Variants in NME1 observed in about 807,000 individuals in gnomAD.
NME1 encodes the protein NME/NM23 nucleoside diphosphate kinase 1.
Under a neutral mutation model 17.2 loss-of-function variants are expected in NME1, and 9 were observed. That is an observed-to-expected ratio of 0.52 (90% confidence interval 0.32 to 0.92). The LOEUF (loss-of-function observed/expected upper bound fraction) is 0.92, where lower values mean the gene tolerates loss of function less well. Among genes scored for constraint, NME1 ranks in the 40% least tolerant of loss-of-function variants. The pLI, the probability that NME1 is intolerant of heterozygous loss-of-function variation, is 0.04. For synonymous variants in NME1, 72 were observed against 70.8 expected (o/e 1.02, Z -0.09); for missense variants, 169 against 201.7 (o/e 0.84, Z 0.98).
chr17:51,159,860 C>T, intron 2 of NME1, 120 bp from the exon 3 acceptor site: 2 of 1,148,624 alleles, frequency 1.7e-6, no homozygotes, highest in Admixed American at 1.8e-5. Context: ...TGGGTTATAA[C>T]AGAATCAGTG....
At position 51,161,778 on chromosome 17, in the gene NME1, G is replaced by A; in HGVS notation, c.392G>A (p.Gly131Asp). The change falls in exon 5 of 5, where the codon GGC (glycine) becomes GAC (aspartate). Residue 131 changes from glycine to aspartate, a missense_variant. Coordinates refer to ENST00000393196, the MANE Select transcript of NME1 (RefSeq NM_000269.3). ...DSVESAEKEIGLWFHPEELVD... is the reference protein window; with the variant it reads ...DSVESAEKEIDLWFHPEELVD... ...GTGGAGAGTGCAGAGAAGGAGATCG[G>A]CTTGTGGTTTCACCCTGAGGAACTG... 1 of 1,614,120 alleles carries A rather than the reference G, an allele frequency of 6.2e-7. No individual in the cohort carries two copies. The highest frequency in any genetic ancestry group is 8.5e-7 in the Non-Finnish European group (1 of 1,179,960).
intron 4 of NME1, 139 bp from the exon 5 acceptor site, chr17:51,161,589 A>C: frequency 1.3e-6 from 1 of 794,060 alleles, no homozygotes; most frequent in African/African-American, 1.7e-5. Context: ...GTGAATGGCC[A>C]TTGTAGGCTT....
chr17:51,157,545 T>C (rs2049804761), intron 2 of NME1, among the ~76,000 whole-genome samples: 1 of 152,138 alleles, frequency 6.6e-6, no homozygotes, highest in South Asian at 2.1e-4. Flanking sequence ...ATACGAACTT[T>C]GGGGGACACA....
At chr17:51,157,877 T>C (rs1460706035) in intron 2 of NME1, among the ~76,000 whole-genome samples, 1 of 152,096 alleles carries the variant, frequency 6.6e-6, no homozygotes. Flanking sequence ...CTGCCATGAC[T>C]CTAAAGGGGC....
intron 2 of NME1, among the ~76,000 whole-genome samples, chr17:51,158,098 G>C (rs771034706): frequency 3.9e-4 from 59 of 152,254 alleles, no homozygotes; most frequent in Non-Finnish European, 6.0e-4. Context: ...TGGCCAACGT[G>C]GTGAAACCCC....
chr17:51,153,977 G>GGT (rs1350942554), intron 1 of NME1: 1 of 218,294 alleles, frequency 4.6e-6, no homozygotes, highest in East Asian at 1.1e-4. Context: ...ATAAATGACG[G>GGT]GTGTGTGTGT....
intron 2 of NME1, among the ~76,000 whole-genome samples, chr17:51,158,534 A>C (rs188811635): frequency 6.6e-6 from 1 of 152,328 alleles, no homozygotes; most frequent in African/African-American, 2.4e-5. Context: ...GGTCTGTTAG[A>C]CTTCCACAAC....
At chr17:51,155,516 G>T in intron 1 of NME1, 135 bp from the exon 2 acceptor site, 1 of 1,275,568 alleles carries the variant, frequency 7.8e-7, no homozygotes. Flanking sequence ...GGGAGGAATT[G>T]GGTTTTTACC....
chr17:51,155,641 C>G lies in NME1; in HGVS notation c.-4-10C>G. On this transcript the variant is annotated splice_polypyrimidine_tract_variant and intron_variant, in intron 1 of 4. Coordinates refer to ENST00000393196, the MANE Select transcript of NME1 (RefSeq NM_000269.3). Reference sequence around the variant, plus strand: ...ACTGCTGTTTCATTCCTCTACCTGCCTATCCCCAGAACCATGGCCAACTGT... The same window carrying G: ...ACTGCTGTTTCATTCCTCTACCTGCGTATCCCCAGAACCATGGCCAACTGT... 5 of 1,613,580 alleles carry G rather than the reference C, an allele frequency of 3.1e-6. No individual in the cohort carries two copies. The highest frequency in any genetic ancestry group is 1.1e-5 in the South Asian group (1 of 91,070).
intron 1 of NME1, chr17:51,154,304 A>C: frequency 3.4e-6 from 5 of 1,455,900 alleles, no homozygotes; most frequent in Non-Finnish European, 4.8e-6. Context: ...ACACAAACAG[A>C]AAATTGGACT....
rs569335398 is a variant in NME1 at position 51,155,681 on chromosome 17, T to C, written c.27T>C (p.Ile9=). The part of the protein sequence containing the change: MANCERTF[I]AIKPDGVQRG... Reference sequence around the variant, plus strand: ...TGGCCAACTGTGAGCGTACCTTCATTGCGATCAAACCAGATGGGGTCCAGC... The same window carrying C: ...TGGCCAACTGTGAGCGTACCTTCATCGCGATCAAACCAGATGGGGTCCAGC... Residue 9 remains isoleucine (I), a synonymous_variant, in exon 2 of 5, where the codon ATT becomes ATC. Coordinates refer to ENST00000393196, the MANE Select transcript of NME1 (RefSeq NM_000269.3). 2 of 1,614,080 alleles carry C rather than the reference T, an allele frequency of 1.2e-6. No homozygotes were observed. Among genetic ancestry groups the C allele is most frequent in the East Asian group, 2.2e-5 (1 of 44,880 alleles).
intron 2 of NME1, chr17:51,156,573 G>A (rs938215092): frequency 1.3e-5 from 2 of 152,544 alleles, no homozygotes; most frequent in Admixed American, 1.3e-4. Context: ...TGTAATCCCA[G>A]CTATTCGGCA....
At position 51,161,249 on chromosome 17, in the gene NME1, A is replaced by G. The variant is rs2144869898; in HGVS notation, c.318A>G (p.Gly106=). 6.2e-7 allele frequency: 1 copy of G among 1,611,836 alleles called. No homozygotes were observed. Residue 106 remains glycine (G), a synonymous_variant, in exon 4 of 5, where the codon GGA becomes GGG. Coordinates refer to ENST00000393196, the MANE Select transcript of NME1 (RefSeq NM_000269.3). ...ACTCCAAGCCTGGGACCATCCGTGG[A>G]GACTTCTGCATACAAGTTGGCAGGT... ...PADSKPGTIR[G]DFCIQVGRNI...
intron 3 of NME1, 119 bp downstream of exon 3, chr17:51,160,200 A>G: frequency 9.4e-7 from 1 of 1,068,554 alleles, no homozygotes; most frequent in Non-Finnish European, 1.4e-6. Context: ...GTTTTCATAT[A>G]CCAGCTAATG....
At chr17:51,159,933 C>T (rs2049840714) in intron 2 of NME1, 47 bp from the exon 3 acceptor site, 1 of 1,606,196 alleles carries the variant, frequency 6.2e-7, no homozygotes, top group Non-Finnish European at 8.5e-7. Flanking sequence ...GATTATATGT[C>T]CTTAGATGGT....
At chr17:51,155,622 G>GT in intron 1 of NME1, 29 bp from the exon 2 acceptor site, 2 of 1,612,552 alleles carry the variant, frequency 1.2e-6, no homozygotes, top group Non-Finnish European at 1.7e-6. Flanking sequence ...ATTCACTGCT[G>GT]TTTCATTCCT....
At chr17:51,161,519 A>G (rs2049864273) in intron 4 of NME1, 1 of 663,734 alleles carries the variant, frequency 1.5e-6, no homozygotes, top group African/African-American at 1.8e-5. Flanking sequence ...GAAGGCTCTC[A>G]CTGTTTGCAC....
Position 51,157,207 on chromosome 17 carries a change from C to CA in NME1, c.126+1436dup, listed in dbSNP as rs1053866526. Among the ~76,000 whole-genome samples the CA allele has an allele frequency of 1.2e-4, 17 of 143,792 alleles. No homozygotes were observed. The South Asian group carries it at 1.3e-3, about 11-fold the overall frequency. The allele number at this position is 143,792 out of a possible 152,430, so 94.3% of individuals were successfully genotyped here. On this transcript the variant is annotated intron_variant, in intron 2 of 4. Coordinates refer to ENST00000393196, the MANE Select transcript of NME1 (RefSeq NM_000269.3). ...CCAGCACTTTGGGAGGCTCCGTCTC[C>CA]AAAAAAAAAGAAAAAAAAGAAAAGA...
At chr17:51,154,244 TAG>T (rs2049751042) in intron 1 of NME1, 1 of 814,484 alleles carries the variant, frequency 1.2e-6, no homozygotes, top group South Asian at 1.4e-5. Context: ...CTAGGTACCA[TAG>T]AGTCTCTACA....
Sources: allele counts gnomAD v4.1 joint callset (sites outside exome capture counted in the v4.1 genomes callset), GRCh38; gene constraint gnomAD v4.1.1; transcripts MANE v1.5; gene names NCBI Gene and HGNC (gene_info 2026-07-23, HGNC 2026-07-21).